Variants in LMOD1 observed in about 807,000 individuals in gnomAD.
LMOD1 encodes leiomodin 1.
A neutral mutation model predicts 36.5 loss-of-function variants in LMOD1; 8 were observed. The observed-to-expected ratio is 0.22, with a 90% confidence interval of 0.13 to 0.40. LMOD1 has a LOEUF of 0.40. Ranked by LOEUF, LMOD1 falls within the 10% of genes least tolerant of loss-of-function variation. The pLI is 1.00. For missense variants in LMOD1, 630 were observed against 751.1 expected (o/e 0.84, Z 1.88); for synonymous variants, 284 against 288.7 (o/e 0.98, Z 0.17).
intron 1 of LMOD1, among the ~76,000 whole-genome samples, chr1:201,921,008 G>A (rs1681695135): frequency 6.6e-6 from 1 of 152,220 alleles, no homozygotes; most frequent in Admixed American, 6.5e-5. Context: ...CAGTTAATAA[G>A]ATTCAGTGAA....
chr1:201,927,632 G>T (rs1681850954), intron 1 of LMOD1, among the ~76,000 whole-genome samples: 1 of 151,584 alleles, frequency 6.6e-6, no homozygotes, highest in South Asian at 2.1e-4. Context: ...CAGTGAAGTT[G>T]AGGACATGGG....
At chr1:201,908,957 C>T (rs997725616) in intron 1 of LMOD1, among the ~76,000 whole-genome samples, 3 of 152,224 alleles carry the variant, frequency 2.0e-5, no homozygotes, top group African/African-American at 2.4e-5. Context: ...TGACAAGCAA[C>T]GCTGGAGGCT....
intron 1 of LMOD1, among the ~76,000 whole-genome samples, chr1:201,938,349 A>C (rs1682051877): frequency 6.6e-6 from 1 of 151,970 alleles, no homozygotes; most frequent in Non-Finnish European, 1.5e-5. Flanking sequence ...GGCTGGTCTC[A>C]AACTCCCCAC....
Position 201,924,451 on chromosome 1 carries a change from G to A in LMOD1, c.261+21629C>T, listed in dbSNP as rs371556482. Among the ~76,000 whole-genome samples, 193 of 34,036 alleles carry A rather than the reference G, an allele frequency of 5.7e-3. 3 individuals are homozygous for A. The highest frequency in any genetic ancestry group is 0.05 in the Middle Eastern group (2 of 40). 22.3% of individuals were successfully genotyped at this position (34,036 alleles called of 152,430 possible). A position where few individuals can be genotyped will look rare whatever the true frequency, so the allele number is the denominator to read the frequency against. On this transcript the variant is annotated intron_variant, in intron 1 of 2. Transcript: ENST00000367288. ...AAGGAAGGAAGGAAGCAAGGAAGGA[G>A]GGAGGGAGGGAAGGAAGGAAGGAAG...
intron 1 of LMOD1, among the ~76,000 whole-genome samples, chr1:201,924,025 GAA>G (rs1681755673): frequency 6.6e-6 from 1 of 150,522 alleles, no homozygotes; most frequent in Admixed American, 6.6e-5. Flanking sequence ...AAAAAGAAAA[GAA>G]AGAGAGAGGC....
chr1:201,900,282 C>T lies in LMOD1; in HGVS notation c.731G>A (p.Gly244Glu). 1 of 1,611,336 alleles carries T rather than the reference C, an allele frequency of 6.2e-7. No homozygotes were observed. Among genetic ancestry groups the T allele is most frequent in the Non-Finnish European group, 8.5e-7 (1 of 1,178,556 alleles). ...ATCCTCCTTTTTCATGTCTGTGTTC[C>T]CACCTGCTCTTTTCATCTTCTCACC... ...KEGEKMKRAGGNTDMKKEDEK... is the reference protein window; with the variant it reads ...KEGEKMKRAGENTDMKKEDEK... The change falls in exon 2 of 3, where the codon GGG (glycine) becomes GAG (glutamate). Residue 244 changes from glycine (G) to glutamate (E), a missense_variant. By Grantham distance (98) the Gly-to-Glu change is moderately conservative. Transcript: ENST00000367288.
At chr1:201,927,490 C>T (rs1335295528) in intron 1 of LMOD1, among the ~76,000 whole-genome samples, 1 of 151,546 alleles carries the variant, frequency 6.6e-6, no homozygotes, top group Admixed American at 6.6e-5. Flanking sequence ...CGCTTGAACC[C>T]AGAAGGCAGA....
At chr1:201,907,973 G>A (rs1571577242) in intron 1 of LMOD1, among the ~76,000 whole-genome samples, 1 of 152,258 alleles carries the variant, frequency 6.6e-6, no homozygotes, top group African/African-American at 2.4e-5. Context: ...AGGGTGTTGA[G>A]GGCATGCCCC....
chr1:201,916,173 C>T (rs1398513344), intron 1 of LMOD1, among the ~76,000 whole-genome samples: 3 of 152,050 alleles, frequency 2.0e-5, no homozygotes, highest in African/African-American at 7.2e-5. Context: ...ACACCTTGGC[C>T]TCTCGGAGTG....
intron 1 of LMOD1, among the ~76,000 whole-genome samples, chr1:201,907,014 C>T (rs2102912471): frequency 6.6e-6 from 1 of 152,356 alleles, no homozygotes; most frequent in African/African-American, 2.4e-5. Context: ...GAGTCCTCTA[C>T]TGAGGCTAGG....
intron 1 of LMOD1, among the ~76,000 whole-genome samples, chr1:201,921,902 G>A (rs1233899629): frequency 2.0e-5 from 3 of 151,870 alleles, no homozygotes; most frequent in Admixed American, 2.0e-4. Flanking sequence ...AGAGCTTGCA[G>A]TGAGCTGAGA....
In LMOD1 at chr1:201,924,719, A is replaced by AAGAAAG. The variant is rs200160310; in HGVS notation, c.261+21355_261+21360dup. Among the ~76,000 whole-genome samples the AAGAAAG allele has an allele frequency of 3.0e-3, 237 of 79,878 alleles. 2 individuals carry two copies. Among genetic ancestry groups the AAGAAAG allele is most frequent in the South Asian group, 0.01 (22 of 2,110 alleles). 52.4% of individuals were successfully genotyped at this position (79,878 alleles called of 152,430 possible). A position where few individuals can be genotyped will look rare whatever the true frequency, so the allele number is the denominator to read the frequency against. Reference sequence around the variant, plus strand: ...AAAGAAAGAAAGAAAGAAAGAAAGAAAGAAAGAAAGAAAAGAAAGAAATAG... The same window carrying AAGAAAG: ...AAAGAAAGAAAGAAAGAAAGAAAGAAAGAAAGAGAAAGAAAGAAAAGAAAGAAATAG... On this transcript the variant is annotated intron_variant, in intron 1 of 2. Transcript: ENST00000367288.
At chr1:201,900,862 G>T in intron 1 of LMOD1, 111 bp from the exon 2 acceptor site, 1 of 925,674 alleles carries the variant, frequency 1.1e-6, no homozygotes, top group Non-Finnish European at 1.6e-6. Context: ...AGCCTCTGAA[G>T]GACAGTTGTG....
At chr1:201,903,402 A>C (rs940476757) in intron 1 of LMOD1, among the ~76,000 whole-genome samples, 2 of 152,134 alleles carry the variant, frequency 1.3e-5, no homozygotes, top group African/African-American at 2.4e-5. Context: ...GTGATGGAGC[A>C]AGGGGCAGAG....
At chr1:201,918,672 C>T (rs1386365249) in intron 1 of LMOD1, among the ~76,000 whole-genome samples, 2 of 152,058 alleles carry the variant, frequency 1.3e-5, no homozygotes, top group Non-Finnish European at 2.9e-5. Context: ...TTCTTTTGTT[C>T]CTCCTCCTTC....
At chr1:201,912,841 G>C (rs1681537670) in intron 1 of LMOD1, among the ~76,000 whole-genome samples, 1 of 152,114 alleles carries the variant, frequency 6.6e-6, no homozygotes, top group South Asian at 2.1e-4. Flanking sequence ...GCCTAGAGGT[G>C]ACAGTGTGGG....
rs2102908193 is a variant in LMOD1, at chr1:201,900,655, C to T, written c.358G>A (p.Asp120Asn). Residue 120 changes from aspartate to asparagine, a missense_variant, in exon 2 of 3, where the codon GAT becomes AAT. Around this residue, in one of 3 missense-constraint regions of LMOD1, gnomAD observed 405 missense variants for 400.6 expected, o/e 1.01. Coordinates refer to ENST00000367288, the MANE Select transcript of LMOD1 (RefSeq NM_012134.3). Reference sequence around the variant, plus strand: ...CCCCTCTTTGGCTCCTTCCCCAGATCTGAGTCCCGTCTGGGGCCCAGGGCT... The same window carrying T: ...CCCCTCTTTGGCTCCTTCCCCAGATTTGAGTCCCGTCTGGGGCCCAGGGCT... ...KKALGPRRDSDLGKEPKRGGL... is the reference protein window; with the variant it reads ...KKALGPRRDSNLGKEPKRGGL... The T allele has an allele frequency of 6.2e-7, 1 of 1,613,932 alleles. No individual in the cohort carries two copies. The highest frequency in any genetic ancestry group is 8.5e-7 in the Non-Finnish European group (1 of 1,179,882).
intron 1 of LMOD1, among the ~76,000 whole-genome samples, chr1:201,929,014 G>A (rs770941815): frequency 2.6e-5 from 4 of 151,952 alleles, no homozygotes; most frequent in Admixed American, 6.6e-5. Flanking sequence ...CACCACACCC[G>A]GCCTGCAAAA....
intron 1 of LMOD1, among the ~76,000 whole-genome samples, chr1:201,938,704 A>G (rs1400837174): frequency 6.6e-6 from 1 of 152,182 alleles, no homozygotes; most frequent in East Asian, 1.9e-4. Context: ...TTGAAGTAAC[A>G]ATCAGAAGGA....
Sources: gnomAD v4.1 joint callset for allele counts (sites outside exome capture counted in the v4.1 genomes callset) on GRCh38, gnomAD v4.1.1 for gene constraint, gnomAD v4.1.1 regional missense constraint, MANE v1.5 for transcripts, NCBI Gene and HGNC (gene_info 2026-07-23, HGNC 2026-07-21) for gene names.